Variants in CAMK1D observed in about 807,000 individuals in gnomAD.
CAMK1D encodes calcium/calmodulin-dependent protein kinase type 1D.
Under a neutral mutation model 47.7 loss-of-function variants are expected in CAMK1D, and 9 were observed. That is an observed-to-expected ratio of 0.19 (90% CI 0.11 to 0.33). The LOEUF (loss-of-function observed/expected upper bound fraction) is 0.33. Ranked by LOEUF, CAMK1D falls within the 10% of genes least tolerant of loss-of-function variation. The probability of loss-of-function intolerance (pLI) is 1.00; values close to 1 mark genes in which losing one functional copy is unlikely to be tolerated. For missense variants in CAMK1D, 291 were observed against 488.7 expected, an observed-to-expected ratio of 0.60 and a Z score of 3.81; for synonymous variants, 184 against 184.9, an observed-to-expected ratio of 0.99 and a Z score of 0.04.
chr10:12,790,594 A>G (rs4747999), intron 5 of CAMK1D, among the ~76,000 whole-genome samples: 65,933 of 151,794 alleles, frequency 0.43, 14,474 homozygotes, highest in East Asian at 0.62. Context: ...CAGTAATCTC[A>G]CATCTCACAC....
intron 2 of CAMK1D, among the ~76,000 whole-genome samples, chr10:12,626,342 G>A (rs1467417861): frequency 1.3e-5 from 2 of 151,982 alleles, no homozygotes; most frequent in African/African-American, 4.8e-5. Flanking sequence ...AAATCAAATA[G>A]TGTCGCTAGA....
At chr10:12,409,290 A>G (rs1466959082) in intron 1 of CAMK1D, among the ~76,000 whole-genome samples, 1 of 152,010 alleles carries the variant, frequency 6.6e-6, no homozygotes, top group African/African-American at 2.4e-5. Flanking sequence ...CTTGGCGCCT[A>G]CACTCATGAT....
intron 1 of CAMK1D, among the ~76,000 whole-genome samples, chr10:12,506,538 G>A (rs1385683598): frequency 6.6e-6 from 1 of 151,448 alleles, no homozygotes; most frequent in African/African-American, 2.4e-5. Context: ...TTTTTGAGAC[G>A]GGGAGTCTCG....
intron 1 of CAMK1D, among the ~76,000 whole-genome samples, chr10:12,400,821 C>T (rs754113688): frequency 2.7e-4 from 40 of 150,892 alleles, no homozygotes; most frequent in Non-Finnish European, 2.7e-4. Flanking sequence ...TCTGGTCTAG[C>T]AGTACCTTTC....
At chr10:12,493,063 CTT>C (rs1228833440) in intron 1 of CAMK1D, among the ~76,000 whole-genome samples, 1 of 152,184 alleles carries the variant, frequency 6.6e-6, no homozygotes, top group African/African-American at 2.4e-5. Context: ...TTTCTGTACT[CTT>C]GTTGATAACA....
At chr10:12,394,797 A>G (rs200764898) in intron 1 of CAMK1D, among the ~76,000 whole-genome samples, 2 of 152,310 alleles carry the variant, frequency 1.3e-5, no homozygotes, top group East Asian at 3.9e-4. Context: ...AGCTCGTGAC[A>G]CATCCAGGAT....
At chr10:12,630,500 C>T (rs1839348802) in intron 2 of CAMK1D, among the ~76,000 whole-genome samples, 1 of 152,058 alleles carries the variant, frequency 6.6e-6, no homozygotes, top group Non-Finnish European at 1.5e-5. Context: ...CTTCTGCCTC[C>T]TGAGTAGCTG....
intron 3 of CAMK1D, among the ~76,000 whole-genome samples, chr10:12,702,017 A>G (rs183842513): frequency 6.6e-6 from 1 of 152,244 alleles, no homozygotes; most frequent in Non-Finnish European, 1.5e-5. Flanking sequence ...GAAGCAATGT[A>G]CATCACTTCT....
intron 8 of CAMK1D, among the ~76,000 whole-genome samples, chr10:12,819,146 G>A (rs1255121024): frequency 1.3e-5 from 2 of 152,178 alleles, no homozygotes; most frequent in Admixed American, 6.5e-5. Flanking sequence ...AAAAAACAAA[G>A]AAGGGAGAGG....
chr10:12,728,313 C>A (rs1362612900), intron 3 of CAMK1D, among the ~76,000 whole-genome samples: 1 of 152,196 alleles, frequency 6.6e-6, no homozygotes. Flanking sequence ...AGGGACAGCC[C>A]AGTTTGCATT....
chr10:12,704,614 A>G (rs1361491830), intron 3 of CAMK1D, among the ~76,000 whole-genome samples: 2 of 152,168 alleles, frequency 1.3e-5, no homozygotes, highest in Non-Finnish European at 2.9e-5. Context: ...TTTGAAACTC[A>G]AGGGAAGTGG....
At chr10:12,481,486 G>A (rs1223899878) in intron 1 of CAMK1D, among the ~76,000 whole-genome samples, 1 of 152,046 alleles carries the variant, frequency 6.6e-6, no homozygotes, top group Non-Finnish European at 1.5e-5. Context: ...CCCATGTTGT[G>A]TGGCTGGCCT....
At chr10:12,718,145 C>G (rs577424139) in intron 3 of CAMK1D, among the ~76,000 whole-genome samples, 1 of 152,116 alleles carries the variant, frequency 6.6e-6, no homozygotes, top group Non-Finnish European at 1.5e-5. Context: ...TCGTCAAACC[C>G]GTGTGTCATT....
intron 1 of CAMK1D, among the ~76,000 whole-genome samples, chr10:12,434,266 A>G (rs900104902): frequency 6.6e-6 from 1 of 152,204 alleles, no homozygotes; most frequent in Non-Finnish European, 1.5e-5. Context: ...GATAGCATAG[A>G]GTGTTTGGGG....
At chr10:12,381,951 A>G (rs1187903488) in intron 1 of CAMK1D, among the ~76,000 whole-genome samples, 7 of 152,240 alleles carry the variant, frequency 4.6e-5, no homozygotes, top group Admixed American at 1.3e-4. Flanking sequence ...TTTGCTATAT[A>G]CTCACGACAC....
intron 1 of CAMK1D, among the ~76,000 whole-genome samples, chr10:12,498,650 A>C (rs1834611011): frequency 6.6e-6 from 1 of 152,166 alleles, no homozygotes; most frequent in Admixed American, 6.5e-5. Context: ...AAGAGTGGAG[A>C]TGAAACTGAA....
intron 6 of CAMK1D, among the ~76,000 whole-genome samples, chr10:12,804,577 G>A (rs1838633868): frequency 6.8e-6 from 1 of 146,592 alleles, no homozygotes; most frequent in South Asian, 2.2e-4. Flanking sequence ...CAGCCTGGGC[G>A]ACAGAGTGAG....
chr10:12,530,944 C>T (rs1835785937), intron 1 of CAMK1D, among the ~76,000 whole-genome samples: 1 of 151,916 alleles, frequency 6.6e-6, no homozygotes. Context: ...GTAATCCCAG[C>T]TACTCAGGAG....
chr10:12,673,645 A>G (rs1840702249), intron 3 of CAMK1D, among the ~76,000 whole-genome samples: 1 of 152,352 alleles, frequency 6.6e-6, no homozygotes. Context: ...AGTTCTAAGT[A>G]TTAGGTGTAT....
Sources: allele counts gnomAD v4.1 joint callset (sites outside exome capture counted in the v4.1 genomes callset), GRCh38; gene constraint gnomAD v4.1.1; transcripts MANE v1.5; gene names NCBI Gene and HGNC (gene_info 2026-07-23, HGNC 2026-07-21).